ASTN2: variants seen among roughly 807,000 people sequenced by gnomAD.
ASTN2 encodes astrotactin 2.
In ASTN2, 54 loss-of-function variants were observed where a neutral mutation model predicts 139.8. The observed-to-expected ratio is 0.39, with a 90% CI of 0.31 to 0.48. The LOEUF is 0.48. Ranked by LOEUF, ASTN2 falls within the 20% of genes least tolerant of loss-of-function variation. The probability of loss-of-function intolerance (pLI) is 0.95; values close to 1 mark genes in which losing one functional copy is unlikely to be tolerated. For synonymous variants in ASTN2, 756 were observed against 719.5 expected, an observed-to-expected ratio of 1.05 and a Z score of -0.81; for missense variants, 1,565 against 1,725.1, an observed-to-expected ratio of 0.91 and a Z score of 1.64.
At chr9:116,729,512 A>G (rs1372144004) in intron 14 of ASTN2, among the ~76,000 whole-genome samples, 1 of 152,178 alleles carries the variant, frequency 6.6e-6, no homozygotes, top group African/African-American at 2.4e-5. Flanking sequence ...CCCTCTGGTA[A>G]CCTAGAAATG....
chr9:116,528,246 G>C (rs565192614), intron 19 of ASTN2, among the ~76,000 whole-genome samples: 20 of 152,302 alleles, frequency 1.3e-4, no homozygotes, highest in Middle Eastern at 6.8e-3. Context: ...AACTTATTGG[G>C]AACTGGAGCA....
At chr9:116,895,955 T>TA (rs1464845552) in intron 10 of ASTN2, among the ~76,000 whole-genome samples, 3 of 152,316 alleles carry the variant, frequency 2.0e-5, no homozygotes, top group South Asian at 2.1e-4. Context: ...AATTGATTTT[T>TA]AAAAAACAAT....
chr9:117,196,599 A>ATATC (rs1337122710), intron 3 of ASTN2, among the ~76,000 whole-genome samples: 1 of 152,194 alleles, frequency 6.6e-6, no homozygotes, highest in Non-Finnish European at 1.5e-5. Flanking sequence ...ATTTAAGGGT[A>ATATC]TATCTCTCTT....
intron 3 of ASTN2, among the ~76,000 whole-genome samples, chr9:117,173,905 T>G (rs935727283): frequency 6.6e-6 from 1 of 151,794 alleles, no homozygotes; most frequent in African/African-American, 2.4e-5. Flanking sequence ...GAGCAAAGTT[T>G]TTTTAAACCT....
At chr9:117,083,420 C>A (rs1828478870) in intron 5 of ASTN2, among the ~76,000 whole-genome samples, 1 of 152,106 alleles carries the variant, frequency 6.6e-6, no homozygotes, top group African/African-American at 2.4e-5. Context: ...TGGGAATGTA[C>A]ATTTACTTGC....
At chr9:117,196,122 T>C (rs1284383540) in intron 3 of ASTN2, among the ~76,000 whole-genome samples, 1 of 152,126 alleles carries the variant, frequency 6.6e-6, no homozygotes, top group Admixed American at 6.6e-5. Flanking sequence ...ATAGCTCTCA[T>C]GTTGGAGTTT....
At chr9:116,680,188 G>A (rs1588183974) in intron 16 of ASTN2, among the ~76,000 whole-genome samples, 5 of 151,984 alleles carry the variant, frequency 3.3e-5, no homozygotes, top group African/African-American at 1.2e-4. Flanking sequence ...ATGATAAAGG[G>A]GATATCACCA....
chr9:116,819,675 G>A (rs1831429759), intron 12 of ASTN2, among the ~76,000 whole-genome samples: 1 of 152,188 alleles, frequency 6.6e-6, no homozygotes. Context: ...AGCATTAAAT[G>A]TACTTCTTCC....
chr9:116,884,811 C>CCA (rs1554756748), intron 10 of ASTN2, among the ~76,000 whole-genome samples: 4 of 126,414 alleles, frequency 3.2e-5, no homozygotes, highest in African/African-American at 1.2e-4. Context: ...CCGCCCCCCC[C>CCA]CCACCCACTT....
intron 10 of ASTN2, among the ~76,000 whole-genome samples, chr9:116,929,335 G>T (rs113276676): frequency 0.043 from 6,618 of 152,248 alleles, 303 homozygotes; most frequent in African/African-American, 0.11. Context: ...GACATGGCTG[G>T]AATCCTAAGT....
chr9:117,234,313 G>A (rs1832981018), intron 2 of ASTN2, among the ~76,000 whole-genome samples: 1 of 152,152 alleles, frequency 6.6e-6, no homozygotes, highest in Admixed American at 6.5e-5. Context: ...ATACAGACGT[G>A]CTTGGCATAT....
At chr9:116,481,312 T>G (rs576945605) in intron 20 of ASTN2, among the ~76,000 whole-genome samples, 1 of 152,132 alleles carries the variant, frequency 6.6e-6, no homozygotes, top group Non-Finnish European at 1.5e-5. Context: ...CCTGGGAGAT[T>G]GAGGCTGCAG....
At chr9:117,201,998 A>G (rs1831738706) in intron 3 of ASTN2, among the ~76,000 whole-genome samples, 1 of 152,166 alleles carries the variant, frequency 6.6e-6, no homozygotes, top group Non-Finnish European at 1.5e-5. Context: ...GTCTCTAAGA[A>G]CTTGTTTTAT....
chr9:117,323,258 GCA>G (rs1210976855), intron 1 of ASTN2, among the ~76,000 whole-genome samples: 1 of 151,978 alleles, frequency 6.6e-6, no homozygotes, highest in African/African-American at 2.4e-5. Flanking sequence ...ACTGATCTGT[GCA>G]CAGTCTGTCT....
chr9:116,698,281 G>A lies in ASTN2; in HGVS notation c.2806+27490C>T, dbSNP rs1192492646. On this transcript the variant is annotated intron_variant, in intron 16 of 22. Coordinates refer to ENST00000313400, the MANE Select transcript of ASTN2 (RefSeq NM_001365068.1). The surrounding 1 kb of genome is among the most constrained non-coding windows in gnomAD (Gnocchi z 4.4). ...GGTGTCTCCAAGGACCTTCAGGCAA[G>A]GTATAAAGCAGTTCTCCAGGAGTAT... 1.2e-6 allele frequency: 2 copies of A among 1,614,162 alleles called. No homozygotes were observed. Among genetic ancestry groups the A allele is most frequent in the South Asian group, 2.2e-5 (2 of 91,078 alleles).
At chr9:117,114,471 C>A (rs763743216) in intron 4 of ASTN2, among the ~76,000 whole-genome samples, 2 of 152,156 alleles carry the variant, frequency 1.3e-5, no homozygotes, top group Non-Finnish European at 1.5e-5. Flanking sequence ...CTCATTGATA[C>A]ACTGCATTAG....
chr9:117,289,313 A>G lies in ASTN2; in HGVS notation c.630+2013T>C, dbSNP rs142477395. Among the ~76,000 whole-genome samples the G allele has an allele frequency of 5.1e-4, 77 of 152,000 alleles. 3 individuals carry two copies. The East Asian group carries it at 0.014, about 28-fold the overall frequency. On this transcript the variant is annotated intron_variant, in intron 2 of 22. Coordinates refer to ENST00000313400, the MANE Select transcript of ASTN2 (RefSeq NM_001365068.1). ...AAGGGTGCCAGCTTCCACGTTACCT[A>G]CTCTGCCAGCCAAATCTGGAACTAC...
At chr9:116,442,648 T>A (rs1847873923) in intron 20 of ASTN2, 95 bp from the exon 21 acceptor site, 3 of 957,590 alleles carry the variant, frequency 3.1e-6, no homozygotes, top group Middle Eastern at 2.3e-4. Flanking sequence ...CACATGAGGC[T>A]ACAGGAAAAA....
chr9:116,976,807 A>G, intron 7 of ASTN2, 22 bp from the exon 8 acceptor site: 1 of 1,609,386 alleles, frequency 6.2e-7, no homozygotes, highest in Non-Finnish European at 8.5e-7. Context: ...AAGAAAAAAG[A>G]TTATTGTTAA....
Sources: gnomAD v4.1 joint callset for allele counts (sites outside exome capture counted in the v4.1 genomes callset) on GRCh38, gnomAD v4.1.1 for gene constraint, Gnocchi (gnomAD v3.1) non-coding constraint, MANE v1.5 for transcripts, NCBI Gene and HGNC (gene_info 2026-07-23, HGNC 2026-07-21) for gene names.